The following ADGRV1 variants were observed in gnomAD, a reference collection of about 807,000 sequenced individuals.
ADGRV1 encodes the protein adhesion G protein-coupled receptor V1, also known as G-protein coupled receptor 98.
A neutral mutation model predicts 596.2 loss-of-function variants in ADGRV1; 359 were observed. The observed-to-expected ratio is 0.60, with a 90% confidence interval of 0.55 to 0.66. The LOEUF (loss-of-function observed/expected upper bound fraction) is 0.66. Among genes scored for constraint, ADGRV1 ranks in the 30% least tolerant of loss-of-function variants. The probability of loss-of-function intolerance (pLI) is 0.00; values close to 1 mark genes in which losing one functional copy is unlikely to be tolerated. For synonymous variants in ADGRV1, 2,681 were observed against 2,679.2 expected (o/e 1.00, Z -0.02); for missense variants, 7,274 against 7,575.6 (o/e 0.96, Z 1.48).
intron 21 of ADGRV1, among the ~76,000 whole-genome samples, chr5:90,668,564 C>CCGTCTTCTG (rs150035271): frequency 0.059 from 9,012 of 152,008 alleles, 358 homozygotes; most frequent in South Asian, 0.12. Flanking sequence ...CAGAAATCAC[C>CCGTCTTCTG]CGTCTTCTGC....
In ADGRV1 at chr5:90,791,255, A is replaced by C; in HGVS notation, c.14426A>C (p.Glu4809Ala). ...CTTCGAATATCATCGGATCATAAAG[A>C]ACAGCCGATTGTTACCGAAAATGCA... is the stretch of plus-strand genomic sequence containing the variant. The part of the protein sequence containing the change: ...VGLRISSDHK[E>A]QPIVTENAER... Residue 4809 changes from glutamate (E) to alanine (A), a missense_variant, in exon 70 of 90, where the codon GAA (glutamate) becomes GCA (alanine). Physicochemically the swap from Glu to Ala is moderately radical, Grantham distance 107 (BLOSUM62 -1). This residue lies in a region of ADGRV1 where 1,874 missense variants were observed against 1,970.2 expected (regional missense o/e 0.95). Transcript: ENST00000405460. The C allele has an allele frequency of 6.2e-7, 1 of 1,611,838 alleles. No homozygotes were observed. Among genetic ancestry groups the C allele is most frequent in the Non-Finnish European group, 8.5e-7 (1 of 1,178,972 alleles).
chr5:90,846,914 A>G (rs1765941261), intron 78 of ADGRV1, among the ~76,000 whole-genome samples: 1 of 152,174 alleles, frequency 6.6e-6, no homozygotes, highest in East Asian at 1.9e-4. Flanking sequence ...GTGCATTTAT[A>G]ATCCCTGAGC....
intron 83 of ADGRV1, among the ~76,000 whole-genome samples, chr5:90,950,613 C>T (rs1014374507): frequency 4.6e-5 from 7 of 152,104 alleles, no homozygotes; most frequent in Non-Finnish European, 1.0e-4. Context: ...TGAGCCACTG[C>T]GCCCAGGCTT....
chr5:90,975,303 A>C (rs943528254), intron 84 of ADGRV1, among the ~76,000 whole-genome samples: 1 of 152,116 alleles, frequency 6.6e-6, no homozygotes, highest in Non-Finnish European at 1.5e-5. Flanking sequence ...CGATTCCTCA[A>C]GGATCTAGAA....
Position 90,628,623 on chromosome 5 carries a change from G to A in ADGRV1, c.1300G>A (p.Val434Met), listed in dbSNP as rs547288618. The change falls in exon 8 of 90, where the codon GTG becomes ATG. Residue 434 changes from valine (V) to methionine (M), a missense_variant. By Grantham distance (21) the Val-to-Met change is conservative (BLOSUM62 1). This residue lies in a region of ADGRV1 where 1,715 missense variants were observed against 1,708.8 expected (regional missense o/e 1.00). Transcript: ENST00000405460. Reference sequence around the variant, plus strand: ...CCATGGGAATGTCTCTGCGAATTGGGTGTTGACACGGAACAGCACTGATCC... The same window carrying A: ...CCATGGGAATGTCTCTGCGAATTGGATGTTGACACGGAACAGCACTGATCC... ...GTHGNVSANWVLTRNSTDPSP... is the reference protein window; with the variant it reads ...GTHGNVSANWMLTRNSTDPSP... The A allele has an allele frequency of 1.3e-5, 21 of 1,613,890 alleles. 1 individual carries two copies. The highest frequency in any genetic ancestry group is 1.1e-4 in the South Asian group (10 of 91,080).
At chr5:90,722,876 A>G (rs1751268792) in intron 45 of ADGRV1, among the ~76,000 whole-genome samples, 1 of 152,062 alleles carries the variant, frequency 6.6e-6, no homozygotes, top group South Asian at 2.1e-4. Context: ...AGAGGACACT[A>G]TAGACTGAAC....
In ADGRV1 at chr5:90,959,734, A is replaced by C. The variant is rs183199955; in HGVS notation, c.17857-5681A>C. On this transcript the variant is annotated intron_variant, in intron 83 of 89. Transcript: ENST00000405460. ...AAATGGTGCTGAAAAAAATTGGTAC[A>C]TTATTTTGGAAAAAAATCAAAATAA... 1.6e-3 allele frequency among the ~76,000 whole-genome samples: 249 copies of C among 152,332 alleles called. 2 individuals carry two copies. The highest frequency in any genetic ancestry group is 5.5e-3 in the African/African-American group (229 of 41,586).
chr5:90,733,538 A>G (rs961725904), intron 50 of ADGRV1, among the ~76,000 whole-genome samples: 1 of 152,202 alleles, frequency 6.6e-6, no homozygotes, highest in African/African-American at 2.4e-5. Context: ...TTTTTCCCTT[A>G]GGTGCCCAAC....
At chr5:91,034,616 T>C (rs1286466161) in intron 85 of ADGRV1, among the ~76,000 whole-genome samples, 1 of 152,186 alleles carries the variant, frequency 6.6e-6, no homozygotes, top group African/African-American at 2.4e-5. Flanking sequence ...GAATTTCTGC[T>C]TTCCCTGTAT....
chr5:90,929,898 A>AGTCATTTTTAGAAAATCATTT (rs897589374), intron 83 of ADGRV1, among the ~76,000 whole-genome samples: 1 of 152,222 alleles, frequency 6.6e-6, no homozygotes, highest in Non-Finnish European at 1.5e-5. Context: ...CTACAGAAAC[A>AGTCATTTTTAGAAAATCATTT]TTAAGAAATC....
In ADGRV1 at chr5:90,790,932, A is replaced by T. The variant is rs1007780285; in HGVS notation, c.14103A>T (p.Gly4701=). Residue 4701 remains glycine (G), a synonymous_variant, in exon 70 of 90, where the codon GGA becomes GGT. Transcript: ENST00000405460. ...DITEDFLSTS[G]FFTIADGESE... is the part of the protein sequence containing the mutation. Reference sequence around the variant, plus strand: ...CTGAAGACTTTCTTTCCACCAGTGGATTTTTCACCATTGCTGATGGAGAGA... The same window carrying T: ...CTGAAGACTTTCTTTCCACCAGTGGTTTTTTCACCATTGCTGATGGAGAGA... The T allele has an allele frequency of 3.7e-6, 6 of 1,612,238 alleles. No homozygotes were observed. The South Asian group carries it at 6.6e-5, about 18-fold the overall frequency.
At chr5:91,078,063 T>C (rs538854786) in intron 86 of ADGRV1, among the ~76,000 whole-genome samples, 25 of 152,190 alleles carry the variant, frequency 1.6e-4, no homozygotes, top group Admixed American at 5.2e-4. Context: ...GCTAGTCATG[T>C]AATGTGAACC....
Position 90,685,770 on chromosome 5 carries a change from T to C in ADGRV1, c.6275-10T>C. The C allele has an allele frequency of 6.3e-7, 1 of 1,596,698 alleles. No homozygotes were observed. Among genetic ancestry groups the C allele is most frequent in the Non-Finnish European group, 8.5e-7 (1 of 1,172,528 alleles). On this transcript the variant is annotated splice_polypyrimidine_tract_variant and intron_variant, in intron 28 of 89. Coordinates refer to ENST00000405460, the MANE Select transcript of ADGRV1 (RefSeq NM_032119.4). ...CTTTCTGTGTTCTGTGTGGATCTTC[T>C]GTCTTTCAGTTCCAAATTCTCCACG...
chr5:91,152,042 G>A (rs770290184), intron 88 of ADGRV1, among the ~76,000 whole-genome samples: 3 of 152,240 alleles, frequency 2.0e-5, no homozygotes, highest in Non-Finnish European at 4.4e-5. Flanking sequence ...GGCAGTAGCT[G>A]TAACAGTCCA....
chr5:90,642,525 A>C, intron 11 of ADGRV1, 111 bp from the exon 12 acceptor site: 1 of 1,143,266 alleles, frequency 8.7e-7, no homozygotes, highest in Non-Finnish European at 1.2e-6. Flanking sequence ...AATTCCTCAT[A>C]GCCTTCCTTT....
At chr5:90,888,320 G>T (rs1770493224) in intron 83 of ADGRV1, among the ~76,000 whole-genome samples, 1 of 152,022 alleles carries the variant, frequency 6.6e-6, no homozygotes, top group South Asian at 2.1e-4. Context: ...GTAGATTTCT[G>T]CCTCATTACT....
rs779853963 is a variant in ADGRV1 at position 90,790,862 on chromosome 5, T to G, written c.14044-11T>G. The G allele has an allele frequency of 2.9e-5, 45 of 1,555,356 alleles. No homozygotes were observed. Among genetic ancestry groups the G allele is most frequent in the Non-Finnish European group, 3.7e-5 (42 of 1,148,978 alleles). ...TATATAACTTTGTTGAGTTTTTTTC[T>G]TTTATTTTAGGTTTACTGGGAATTA... On this transcript the variant is annotated splice_polypyrimidine_tract_variant and intron_variant, in intron 69 of 89. Coordinates refer to ENST00000405460, the MANE Select transcript of ADGRV1 (RefSeq NM_032119.4).
chr5:90,915,725 C>T (rs1382664544), intron 83 of ADGRV1, among the ~76,000 whole-genome samples: 2 of 152,150 alleles, frequency 1.3e-5, no homozygotes, highest in Non-Finnish European at 2.9e-5. Context: ...CCCGTGGGTG[C>T]TGATCATGCT....
At chr5:91,137,086 G>T (rs1470697817) in intron 87 of ADGRV1, among the ~76,000 whole-genome samples, 1 of 152,176 alleles carries the variant, frequency 6.6e-6, no homozygotes. Flanking sequence ...TGAAAAATTG[G>T]CTATGCAATA....
Sources: gnomAD v4.1 joint callset for allele counts (sites outside exome capture counted in the v4.1 genomes callset) on GRCh38, gnomAD v4.1.1 for gene constraint, gnomAD v4.1.1 regional missense constraint, MANE v1.5 for transcripts, NCBI Gene and HGNC (gene_info 2026-07-23, HGNC 2026-07-21) for gene names.